Variants in RLBP1 observed in about 807,000 individuals in gnomAD.
RLBP1 encodes retinaldehyde-binding protein 1.
Under a neutral mutation model 36.2 loss-of-function variants are expected in RLBP1, and 26 were observed. The ratio of observed to expected loss-of-function variants is 0.72; its 90% CI spans 0.53 to 1.00. The LOEUF (loss-of-function observed/expected upper bound fraction) is 1.00, where lower values mean the gene tolerates loss of function less well. Among genes scored for constraint, RLBP1 ranks in the 50% least tolerant of loss-of-function variants. The pLI, the probability that RLBP1 is intolerant of heterozygous loss-of-function variation, is 0.00. For synonymous variants in RLBP1, 155 were observed against 156.2 expected, an observed-to-expected ratio of 0.99 and a Z score of 0.06; for missense variants, 410 against 402.4, an observed-to-expected ratio of 1.02 and a Z score of -0.16.
Position 89,210,061 on chromosome 15 carries a change from G to C in RLBP1, c.*224C>G, listed in dbSNP as rs2051523383. 2 of 583,718 alleles carry C rather than the reference G, an allele frequency of 3.4e-6. No homozygotes were observed. Among genetic ancestry groups the C allele is most frequent in the Admixed American group, 3.0e-5 (1 of 33,686 alleles). 36.2% of individuals were successfully genotyped at this position (583,718 alleles called of 1,614,324 possible). On this transcript the variant is annotated 3_prime_UTR_variant, in exon 9 of 9. Transcript: ENST00000268125. The surrounding 1 kb of genome is among the most constrained non-coding windows in gnomAD (Gnocchi z 4.7). ...CACTGTCTTAAAGCTTCAAGGGCAG[G>C]TGGAAATATAACTATCCCCAGTTCT...
intron 1 of RLBP1, among the ~76,000 whole-genome samples, chr15:89,221,279 G>T (rs1313648015): frequency 6.6e-6 from 1 of 152,164 alleles, no homozygotes; most frequent in African/African-American, 2.4e-5. Flanking sequence ...AAAGTGCTGG[G>T]ATTACAGGCG....
rs2051599786 is a variant in RLBP1 at position 89,218,436 on chromosome 15, C to T, written c.141+129G>A. 5 of 1,391,636 alleles carry T rather than the reference C, an allele frequency of 3.6e-6. No homozygotes were observed. The highest frequency in any genetic ancestry group is 4.0e-6 in the Non-Finnish European group (4 of 995,090). The allele number at this position is 1,391,636 out of a possible 1,614,324, so 86.2% of individuals were successfully genotyped here. A position where few individuals can be genotyped will look rare whatever the true frequency, so the allele number is the denominator to read the frequency against. On this transcript the variant is annotated intron_variant, in intron 4 of 8. Coordinates refer to ENST00000268125, the MANE Select transcript of RLBP1 (RefSeq NM_000326.5). The surrounding 1 kb of genome is among the most constrained non-coding windows in gnomAD (Gnocchi z 4.6). ...CCACCAGGAAGGACCTTAGAACCGG[C>T]CAGTCTATCAGGTCCAGGATGATCT... is the stretch of plus-strand genomic sequence containing the variant.
intron 4 of RLBP1, among the ~76,000 whole-genome samples, chr15:89,217,702 A>G (rs2051593883): frequency 6.6e-6 from 1 of 152,160 alleles, no homozygotes; most frequent in Non-Finnish European, 1.5e-5. Context: ...GAGGCTCATA[A>G]AGGTGAAGAT....
rs569277095 is a variant in RLBP1 at position 89,214,697 on chromosome 15, G to T, written c.525+363C>A. Reference sequence around the variant, plus strand: ...CCTGTGCTTTCCAGAATCTCTTCCAGCCTATAGTCCACTAATCCCTGTTCT... The same window carrying T: ...CCTGTGCTTTCCAGAATCTCTTCCATCCTATAGTCCACTAATCCCTGTTCT... On this transcript the variant is annotated intron_variant, in intron 6 of 8. Transcript: ENST00000268125. The surrounding 1 kb of genome is among the most constrained non-coding windows in gnomAD (Gnocchi z 4.6). Among the ~76,000 whole-genome samples, 1 of 152,240 alleles carries T rather than the reference G, an allele frequency of 6.6e-6. No homozygotes were observed. The highest frequency in any genetic ancestry group is 1.9e-4 in the East Asian group (1 of 5,182).
At chr15:89,216,577 C>T (rs1049245402) in intron 5 of RLBP1, among the ~76,000 whole-genome samples, 1 of 152,222 alleles carries the variant, frequency 6.6e-6, no homozygotes, top group Non-Finnish European at 1.5e-5. Flanking sequence ...CCGCCTTGGC[C>T]TCGCAAAGTG....
At chr15:89,217,429 C>T in intron 4 of RLBP1, 105 bp from the exon 5 acceptor site, 1 of 1,130,476 alleles carries the variant, frequency 8.8e-7, no homozygotes, top group South Asian at 1.2e-5. Context: ...CAAGGGGGCC[C>T]AGGGGTCTGC....
chr15:89,214,189 G>A lies in RLBP1; in HGVS notation c.525+871C>T, dbSNP rs140261632. 1.2e-4 allele frequency among the ~76,000 whole-genome samples: 19 copies of A among 152,242 alleles called. No homozygotes were observed. The highest frequency in any genetic ancestry group is 3.9e-4 in the East Asian group (2 of 5,188). ...TCTAAAATTAGTTTGGGCCAGGTGC[G>A]GTGTCTTATGCCTGTAATCCCAGCA... On this transcript the variant is annotated intron_variant, in intron 6 of 8. Coordinates refer to ENST00000268125, the MANE Select transcript of RLBP1 (RefSeq NM_000326.5). This position sits in a 1 kb window ranked among gnomAD's most constrained non-coding sequence, Gnocchi z 4.6.
At chr15:89,212,106 C>T (rs1406794052) in intron 6 of RLBP1, among the ~76,000 whole-genome samples, 1 of 152,146 alleles carries the variant, frequency 6.6e-6, no homozygotes, top group African/African-American at 2.4e-5. Context: ...AGGTTTATCC[C>T]AGTACTCTTG....
intron 6 of RLBP1, among the ~76,000 whole-genome samples, chr15:89,213,636 C>A (rs899999419): frequency 1.3e-5 from 2 of 152,112 alleles, no homozygotes; most frequent in East Asian, 3.8e-4. Flanking sequence ...CTCTGTCCCC[C>A]CAGATGAAGT....
At chr15:89,221,020 TTTTTGAGATGGAGTTTTG>T (rs1332253846) in intron 1 of RLBP1, among the ~76,000 whole-genome samples, 2 of 151,428 alleles carry the variant, frequency 1.3e-5, no homozygotes, top group African/African-American at 4.9e-5. Flanking sequence ...TTTTTTTTTT[TTTTTGAGATGGAGTTTTG>T]TTCTTGTCGC....
chr15:89,215,602 A>G (rs1319998958), intron 5 of RLBP1, among the ~76,000 whole-genome samples: 1 of 152,208 alleles, frequency 6.6e-6, no homozygotes, highest in Non-Finnish European at 1.5e-5. Flanking sequence ...AGCTGGGCAC[A>G]GGATAAGCTG....
Position 89,218,467 on chromosome 15 carries a change from G to A in RLBP1, c.141+98C>T, listed in dbSNP as rs1263388448. On this transcript the variant is annotated intron_variant, in intron 4 of 8. Coordinates refer to ENST00000268125, the MANE Select transcript of RLBP1 (RefSeq NM_000326.5). This position sits in a 1 kb window ranked among gnomAD's most constrained non-coding sequence, Gnocchi z 4.6. ...TATCAGGTCCAGGATGATCTGGAGTGCCGAGGCTGGACCCTTTTCACAGGA... is the reference window on the plus strand; with the variant it reads ...TATCAGGTCCAGGATGATCTGGAGTACCGAGGCTGGACCCTTTTCACAGGA... 1.9e-6 allele frequency: 3 copies of A among 1,557,412 alleles called. No homozygotes were observed. Among genetic ancestry groups the A allele is most frequent in the Non-Finnish European group, 1.8e-6 (2 of 1,135,364 alleles).
In RLBP1 at chr15:89,215,223, C is replaced by T. The variant is rs139108078; in HGVS notation, c.362G>A (p.Arg121Gln). ...YELLRGYVNF[R>Q]LQYPELFDSL... ...GTCAAAGAGCTCAGGGTACTGCAGC[C>T]GGAAATTCACATAGCCTGGAGGAAG... The change falls in exon 6 of 9, where the codon CGG becomes CAG. Residue 121 changes from arginine to glutamine, a missense_variant. Coordinates refer to ENST00000268125, the MANE Select transcript of RLBP1 (RefSeq NM_000326.5). 46 of 1,614,024 alleles carry T rather than the reference C, an allele frequency of 2.9e-5. No homozygotes were observed. The highest frequency in any genetic ancestry group is 4.0e-5 in the African/African-American group (3 of 74,914).
chr15:89,218,476 G>A lies in RLBP1; in HGVS notation c.141+89C>T. ...CAGGATGATCTGGAGTGCCGAGGCT[G>A]GACCCTTTTCACAGGAGAGAGAATG... On this transcript the variant is annotated intron_variant, in intron 4 of 8. Coordinates refer to ENST00000268125, the MANE Select transcript of RLBP1 (RefSeq NM_000326.5). This position sits in a 1 kb window ranked among gnomAD's most constrained non-coding sequence, Gnocchi z 4.6. 3 of 1,584,676 alleles carry A rather than the reference G, an allele frequency of 1.9e-6. No homozygotes were observed. Among genetic ancestry groups the A allele is most frequent in the South Asian group, 1.1e-5 (1 of 89,946 alleles).
Position 89,218,616 on chromosome 15 carries a change from A to C in RLBP1, c.90T>G (p.His30Gln). The change falls in exon 4 of 9, where the codon CAT (histidine) becomes CAG (glutamine). Residue 30 changes from histidine (H) to glutamine (Q), a missense_variant. By Grantham distance (24) the His-to-Gln change is conservative (BLOSUM62 0). Transcript: ENST00000268125. This position sits in a 1 kb window ranked among gnomAD's most constrained non-coding sequence, Gnocchi z 4.6. ...AQLEQLTTKD[H>Q]GPVFGPCSQL... ...GGCTGCACGGGCCAAAGACAGGTCC[A>C]TGGTCCTTGGTTGTGAGCTGCTCCA... 6.2e-7 allele frequency: 1 copy of C among 1,614,168 alleles called. No individual in the cohort carries two copies. Among genetic ancestry groups the C allele is most frequent in the African/African-American group, 1.3e-5 (1 of 75,054 alleles).
Position 89,211,787 on chromosome 15 carries a change from T to A in RLBP1, c.640A>T (p.Ser214Cys), listed in dbSNP as rs1339662311. ...FKGFTMQQAA[S>C]LRTSDLRKMV... ...TTCCTGAGATCTGAAGTCCGGAGAC[T>A]AGCAGCCTGCTGCATGGTAAAGCCC... Residue 214 changes from serine (S) to cysteine (C), a missense_variant, in exon 7 of 9, where the codon AGT (serine) becomes TGT (cysteine). By Grantham distance (112) the Ser-to-Cys change is moderately radical. Coordinates refer to ENST00000268125, the MANE Select transcript of RLBP1 (RefSeq NM_000326.5). The surrounding 1 kb of genome is among the most constrained non-coding windows in gnomAD (Gnocchi z 5.8). 1.2e-6 allele frequency: 2 copies of A among 1,614,166 alleles called. No homozygotes were observed. Among genetic ancestry groups the A allele is most frequent in the Non-Finnish European group, 8.5e-7 (1 of 1,179,996 alleles).
rs1382805266 is a variant in RLBP1, at chr15:89,211,052, A to G, written c.685-243T>C. On this transcript the variant is annotated intron_variant, in intron 7 of 8. Coordinates refer to ENST00000268125, the MANE Select transcript of RLBP1 (RefSeq NM_000326.5). The surrounding 1 kb of genome is among the most constrained non-coding windows in gnomAD (Gnocchi z 5.8). ...ATAAGACCCAACCCTCTCCCTGCTG[A>G]TGCAAATTAAACTGGGAATTAGGAA... is the stretch of plus-strand genomic sequence containing the variant. Among the ~76,000 whole-genome samples, 1 of 152,198 alleles carries G rather than the reference A, an allele frequency of 6.6e-6. No individual in the cohort carries two copies. The highest frequency in any genetic ancestry group is 6.5e-5 in the Admixed American group (1 of 15,276).
intron 4 of RLBP1, 68 bp from the exon 5 acceptor site, chr15:89,217,392 T>A (rs1419981585): frequency 6.7e-7 from 1 of 1,494,992 alleles, no homozygotes; most frequent in African/African-American, 1.4e-5. Flanking sequence ...ACACAGGTGA[T>A]GAGTCTCCTG....
At position 89,209,971 on chromosome 15, in the gene RLBP1, C is replaced by T. The variant is rs2051522749; in HGVS notation, c.*314G>A. The stretch of plus-strand genomic sequence containing the variant: ...TTCACAGACTCTAAGTCGTAAAACT[C>T]TGTTACAAAGGAAATGACTGAGAAA... On this transcript the variant is annotated 3_prime_UTR_variant, in exon 9 of 9. Transcript: ENST00000268125. 7.3e-6 allele frequency: 3 copies of T among 413,340 alleles called. No individual in the cohort carries two copies. The highest frequency in any genetic ancestry group is 9.0e-6 in the Non-Finnish European group (2 of 222,254). The allele number at this position is 413,340 out of a possible 1,614,324, so 25.6% of individuals were successfully genotyped here. A position where few individuals can be genotyped will look rare whatever the true frequency, so the allele number is the denominator to read the frequency against.
Sources: gnomAD v4.1 joint callset for allele counts (sites outside exome capture counted in the v4.1 genomes callset) on GRCh38, gnomAD v4.1.1 for gene constraint, Gnocchi (gnomAD v3.1) non-coding constraint, MANE v1.5 for transcripts, NCBI Gene and HGNC (gene_info 2026-07-23, HGNC 2026-07-21) for gene names.